Variants in MYO1B observed in about 807,000 individuals in gnomAD.
MYO1B encodes the protein myosin IB.
In MYO1B, 72 loss-of-function variants were observed where a neutral mutation model predicts 159.7. The ratio of observed to expected loss-of-function variants is 0.45; its 90% CI spans 0.37 to 0.55. MYO1B has a LOEUF of 0.55. Ranked by LOEUF, MYO1B falls within the 20% of genes least tolerant of loss-of-function variation. The pLI is 0.00. For missense variants in MYO1B, 1,062 were observed against 1,364.8 expected (o/e 0.78, Z 3.50); for synonymous variants, 468 against 473.8 (o/e 0.99, Z 0.16).
intron 2 of MYO1B, among the ~76,000 whole-genome samples, chr2:191,286,624 A>G (rs1688387515): frequency 6.6e-6 from 1 of 152,174 alleles, no homozygotes; most frequent in African/African-American, 2.4e-5. Flanking sequence ...AAAATTCATC[A>G]ATTTCCTGTA....
intron 13 of MYO1B, among the ~76,000 whole-genome samples, chr2:191,375,007 A>C (rs1257495679): frequency 1.3e-5 from 2 of 152,250 alleles, no homozygotes. Context: ...TAAAACTGGC[A>C]GATATTTTAC....
At chr2:191,270,903 G>A (rs1378127026) in intron 1 of MYO1B, among the ~76,000 whole-genome samples, 3 of 152,238 alleles carry the variant, frequency 2.0e-5, no homozygotes, top group Non-Finnish European at 4.4e-5. Context: ...TGAAGCCACT[G>A]TCATTGTTTT....
chr2:191,300,339 ATTTT>A (rs35917445), intron 3 of MYO1B, among the ~76,000 whole-genome samples: 73,628 of 140,766 alleles, frequency 0.52, 19,036 homozygotes, highest in East Asian at 0.64. Context: ...TTACTTGTCA[ATTTT>A]TTTTTTTTTT....
At chr2:191,333,645 C>T (rs1177012573) in intron 4 of MYO1B, among the ~76,000 whole-genome samples, 1 of 152,100 alleles carries the variant, frequency 6.6e-6, no homozygotes, top group Admixed American at 6.6e-5. Context: ...CTCTTGATTA[C>T]CCCTAATTCC....
At chr2:191,295,428 T>C (rs1036268950) in intron 2 of MYO1B, among the ~76,000 whole-genome samples, 1 of 152,210 alleles carries the variant, frequency 6.6e-6, no homozygotes, top group African/African-American at 2.4e-5. Flanking sequence ...ATTTAAATTT[T>C]ACATTAAATG....
chr2:191,310,812 G>GA (rs949366238), intron 3 of MYO1B, among the ~76,000 whole-genome samples: 7 of 152,166 alleles, frequency 4.6e-5, no homozygotes, highest in African/African-American at 1.7e-4. Context: ...TCATGAACTG[G>GA]AAAAAATTTT....
intron 5 of MYO1B, among the ~76,000 whole-genome samples, chr2:191,345,957 G>A (rs1358409099): frequency 6.6e-6 from 1 of 152,102 alleles, no homozygotes; most frequent in South Asian, 2.1e-4. Flanking sequence ...GTGTTAAAAG[G>A]TGTTGAATTA....
At chr2:191,330,754 G>C (rs1351644671) in intron 4 of MYO1B, among the ~76,000 whole-genome samples, 3 of 152,192 alleles carry the variant, frequency 2.0e-5, no homozygotes, top group Non-Finnish European at 4.4e-5. Flanking sequence ...GGAGGAGGAA[G>C]ATGGTGAGGG....
chr2:191,400,700 C>T (rs1696556467), intron 22 of MYO1B, 49 bp from the exon 23 acceptor site: 1 of 1,589,338 alleles, frequency 6.3e-7, no homozygotes, highest in Non-Finnish European at 8.6e-7. Flanking sequence ...CCAGCAGTAA[C>T]CTTTCCTGCC....
chr2:191,292,912 G>A (rs1446335135), intron 2 of MYO1B, among the ~76,000 whole-genome samples: 1 of 152,178 alleles, frequency 6.6e-6, no homozygotes, highest in Non-Finnish European at 1.5e-5. Context: ...TTTTCTGCTA[G>A]TCTCACCTGG....
intron 3 of MYO1B, among the ~76,000 whole-genome samples, chr2:191,301,894 T>C (rs1274649971): frequency 2.0e-5 from 3 of 152,248 alleles, no homozygotes; most frequent in African/African-American, 7.2e-5. Flanking sequence ...AATCAGATCA[T>C]GTTACTCACC....
chr2:191,388,377 A>AGGATT (rs1695531186), intron 17 of MYO1B: 1 of 152,008 alleles, frequency 6.6e-6, no homozygotes, highest in Non-Finnish European at 1.5e-5. Context: ...AAGACCAACT[A>AGGATT]GGATTAGAGT....
intron 8 of MYO1B, among the ~76,000 whole-genome samples, chr2:191,361,718 C>G (rs1693685000): frequency 6.6e-6 from 1 of 151,906 alleles, no homozygotes; most frequent in African/African-American, 2.4e-5. Context: ...TTGTGGTATA[C>G]CCATCTGTGT....
chr2:191,397,733 C>A (rs1231177441), intron 21 of MYO1B, among the ~76,000 whole-genome samples: 1 of 145,354 alleles, frequency 6.9e-6, no homozygotes, highest in African/African-American at 2.6e-5. Context: ...GGGTCGTGGC[C>A]GGGCAGAGGG....
At chr2:191,390,596 T>C (rs778897454) in intron 18 of MYO1B, 104 bp downstream of exon 18, 2 of 1,290,846 alleles carry the variant, frequency 1.5e-6, no homozygotes, top group Non-Finnish European at 2.1e-6. Flanking sequence ...TATGAAAAAC[T>C]GGATGTAACC....
chr2:191,413,185 T>C (rs1574644705), intron 27 of MYO1B, among the ~76,000 whole-genome samples: 1 of 152,316 alleles, frequency 6.6e-6, no homozygotes, highest in East Asian at 1.9e-4. Context: ...GAAGTTGTCA[T>C]ATGTCATATG....
intron 27 of MYO1B, 40 bp downstream of exon 27, chr2:191,411,212 A>G (rs1697232013): frequency 7.4e-7 from 1 of 1,355,090 alleles, no homozygotes; most frequent in South Asian, 1.3e-5. Flanking sequence ...TCAGGATTAT[A>G]AAAGTTTCTC....
At chr2:191,364,672 G>T (rs1693886459) in intron 11 of MYO1B, among the ~76,000 whole-genome samples, 2 of 152,224 alleles carry the variant, frequency 1.3e-5, no homozygotes, top group South Asian at 4.1e-4. Context: ...GGTCACTCTG[G>T]CTGTGATGTG....
At chr2:191,407,697 C>T (rs1329946248) in intron 24 of MYO1B, 1 of 152,662 alleles carries the variant, frequency 6.6e-6, no homozygotes, top group Non-Finnish European at 1.5e-5. Context: ...TAGGCCTTAT[C>T]TTCTATGCAA....
Sources: allele counts gnomAD v4.1 joint callset (sites outside exome capture counted in the v4.1 genomes callset), GRCh38; gene constraint gnomAD v4.1.1; transcripts MANE v1.5; gene names NCBI Gene and HGNC (gene_info 2026-07-23, HGNC 2026-07-21).